The following MAP3K14 variants were observed in gnomAD, a reference collection of about 807,000 sequenced individuals.
The protein encoded by MAP3K14 is NF-kappa-beta-inducing kinase.
MAP3K14 carries 16 observed loss-of-function variants against 99.2 expected under a neutral mutation model. The ratio of observed to expected loss-of-function variants is 0.16; its 90% CI spans 0.11 to 0.24. The LOEUF is 0.24. Among genes scored for constraint, MAP3K14 ranks in the 10% least tolerant of loss-of-function variants. MAP3K14 has a pLI of 1.00. For synonymous variants in MAP3K14, 462 were observed against 492.4 expected (o/e 0.94, Z 0.82); for missense variants, 784 against 1,208.7 (o/e 0.65, Z 5.21).
At chr17:45,304,010 C>CTTTTTTTTTTTT (rs1026894731) in intron 1 of MAP3K14, among the ~76,000 whole-genome samples, 12 of 127,736 alleles carry the variant, frequency 9.4e-5, no homozygotes, top group South Asian at 2.4e-4. Flanking sequence ...CTTTTCTTTT[C>CTTTTTTTTTTTT]TTTTTTTTTT....
chr17:45,308,914 G>C (rs2044450202), intron 1 of MAP3K14, among the ~76,000 whole-genome samples: 1 of 152,104 alleles, frequency 6.6e-6, no homozygotes, highest in Admixed American at 6.5e-5. Context: ...TGGTCTGCCT[G>C]TCTTGGCCTC....
intron 1 of MAP3K14, among the ~76,000 whole-genome samples, chr17:45,304,284 G>T (rs1465674501): frequency 1.3e-5 from 2 of 152,212 alleles, no homozygotes; most frequent in Non-Finnish European, 2.9e-5. Context: ...GATTACAGGT[G>T]TGAGCCACCA....
chr17:45,293,548 C>T (rs1368693222), intron 1 of MAP3K14, among the ~76,000 whole-genome samples: 1 of 152,220 alleles, frequency 6.6e-6, no homozygotes. Flanking sequence ...AACAGCCTGG[C>T]AGGCAGACAG....
chr17:45,290,339 G>T lies in MAP3K14; in HGVS notation c.256+151C>A, dbSNP rs139865387. 81 of 1,034,466 alleles carry T rather than the reference G, an allele frequency of 7.8e-5. No individual in the cohort carries two copies. The African/African-American group carries it at 1.1e-3, about 14-fold the overall frequency. The allele number at this position is 1,034,466 out of a possible 1,614,324, so 64.1% of individuals were successfully genotyped here. Reference sequence around the variant, plus strand: ...GCACTTTTACAACCCCACTTTCCATGATTCTCGGCACAGACCTCTGGTTGT... The same window carrying T: ...GCACTTTTACAACCCCACTTTCCATTATTCTCGGCACAGACCTCTGGTTGT... On this transcript the variant is annotated intron_variant, in intron 2 of 15. Coordinates refer to ENST00000344686, the MANE Select transcript of MAP3K14 (RefSeq NM_003954.5).
chr17:45,300,311 G>C (rs2044377065), intron 1 of MAP3K14, among the ~76,000 whole-genome samples: 1 of 152,094 alleles, frequency 6.6e-6, no homozygotes, highest in South Asian at 2.1e-4. Flanking sequence ...CCCACTTCCA[G>C]CTTCTCTCTG....
Position 45,293,339 on chromosome 17 carries a change from C to T in MAP3K14, c.-20-2574G>A, listed in dbSNP as rs1414353673. On this transcript the variant is annotated intron_variant, in intron 1 of 15. Coordinates refer to ENST00000344686, the MANE Select transcript of MAP3K14 (RefSeq NM_003954.5). ...GCCCAACGGAGGCTTCTGGATAGGT[C>T]ATCCTGAGCTAGAACTCCTCCAGAG... Among the ~76,000 whole-genome samples the T allele has an allele frequency of 3.9e-5, 6 of 152,192 alleles. No individual in the cohort carries two copies. In the East Asian group the frequency reaches 5.8e-4, roughly 15 times the overall value.
rs553632905 is a variant in MAP3K14, at chr17:45,267,137, C to G, written c.2388G>C (p.Ser796=). ...GGGAGAGGCTGTCGATGCTGAGGCA[C>G]GAGAGAATTTGCTCCTGCTCCTCCA... is the stretch of plus-strand genomic sequence containing the variant. The part of the protein sequence containing the change: ...FSLEEQEQIL[S]CLSIDSLSLS... Residue 796 remains serine, a synonymous_variant, in exon 13 of 16, where the codon TCG becomes TCC. Coordinates refer to ENST00000344686, the MANE Select transcript of MAP3K14 (RefSeq NM_003954.5). This position sits in a 1 kb window ranked among gnomAD's most constrained non-coding sequence, Gnocchi z 5.1. The G allele has an allele frequency of 1.2e-6, 2 of 1,601,416 alleles. No individual in the cohort carries two copies. The highest frequency in any genetic ancestry group is 1.1e-5 in the South Asian group (1 of 88,626).
intron 1 of MAP3K14, among the ~76,000 whole-genome samples, chr17:45,313,778 G>A (rs935289579): frequency 4.6e-5 from 7 of 152,134 alleles, no homozygotes; most frequent in African/African-American, 1.7e-4. Context: ...CCCTGGTTTC[G>A]TTATGTTCAA....
intron 1 of MAP3K14, among the ~76,000 whole-genome samples, chr17:45,296,895 C>G (rs1010322943): frequency 6.6e-6 from 1 of 152,186 alleles, no homozygotes; most frequent in South Asian, 2.1e-4. Context: ...CTTCTGCATC[C>G]ACCCTATAAA....
chr17:45,273,653 G>A (rs371197055), intron 8 of MAP3K14, 46 bp from the exon 9 acceptor site: 58 of 1,479,008 alleles, frequency 3.9e-5, no homozygotes, highest in Admixed American at 3.7e-5. Context: ...GAGTCATGCC[G>A]GGTCCCAGCC....
intron 11 of MAP3K14, among the ~76,000 whole-genome samples, chr17:45,270,034 T>C (rs1301856058): frequency 1.3e-5 from 2 of 152,136 alleles, no homozygotes; most frequent in Non-Finnish European, 2.9e-5. Context: ...TCCAGGTAGA[T>C]AGTGTTGGAA....
At chr17:45,304,065 C>T (rs1473708388) in intron 1 of MAP3K14, among the ~76,000 whole-genome samples, 12 of 140,484 alleles carry the variant, frequency 8.5e-5, no homozygotes, top group African/African-American at 2.7e-4. Context: ...CAGGCTGGAG[C>T]GCAGCAGCCC....
At chr17:45,271,333 AC>A in intron 9 of MAP3K14, 112 bp from the exon 10 acceptor site, 2 of 906,918 alleles carry the variant, frequency 2.2e-6, no homozygotes, top group Non-Finnish European at 3.2e-6. Flanking sequence ...CTGTTAAAGT[AC>A]TTTTTATTTT....
In MAP3K14 at chr17:45,264,734, G is replaced by C; in HGVS notation, c.2746C>G (p.Pro916Ala). 1 of 1,612,828 alleles carries C rather than the reference G, an allele frequency of 6.2e-7. No homozygotes were observed. The highest frequency in any genetic ancestry group is 8.5e-7 in the Non-Finnish European group (1 of 1,179,490). The change falls in exon 16 of 16, where the codon CCA becomes GCA. Residue 916 changes from proline (P) to alanine (A), a missense_variant. Coordinates refer to ENST00000344686, the MANE Select transcript of MAP3K14 (RefSeq NM_003954.5). ...CACTGCAGGTCGATGCCCGAGTCTG[G>C]CACCTCCATGTCGTAGCGAACAGGC... The part of the protein sequence containing the change: ...GQPVRYDMEV[P>A]DSGIDLQCTL...
intron 6 of MAP3K14, among the ~76,000 whole-genome samples, chr17:45,279,037 G>A (rs1236253443): frequency 6.6e-6 from 1 of 152,206 alleles, no homozygotes; most frequent in Admixed American, 6.5e-5. Flanking sequence ...TGAGCCTACT[G>A]CCTGATACAG....
At position 45,267,662 on chromosome 17, in the gene MAP3K14, C is replaced by G. The variant is rs748652165; in HGVS notation, c.2070G>C (p.Pro690=). Residue 690 remains proline (P), a synonymous_variant, in exon 12 of 16, where the codon CCG becomes CCC. Transcript: ENST00000344686. This position sits in a 1 kb window ranked among gnomAD's most constrained non-coding sequence, Gnocchi z 5.1. The part of the protein sequence containing the change: ...ANYHQTLHAQ[P]RELSPRAPGP... ...CTGGGGCCCTTGGCGAAAGCTCTCT[C>G]GGCTGGGCATGGAGGGTCTGGTGGT... The G allele has an allele frequency of 6.2e-7, 1 of 1,613,822 alleles. No individual in the cohort carries two copies. The highest frequency in any genetic ancestry group is 1.7e-4 in the Middle Eastern group (1 of 6,056).
chr17:45,279,944 T>A (rs1236716782), intron 6 of MAP3K14, among the ~76,000 whole-genome samples: 1 of 152,230 alleles, frequency 6.6e-6, no homozygotes. Flanking sequence ...TCTAAACACG[T>A]GTCCAGGACT....
At chr17:45,302,777 T>C (rs556687093) in intron 1 of MAP3K14, among the ~76,000 whole-genome samples, 1 of 152,104 alleles carries the variant, frequency 6.6e-6, no homozygotes, top group Non-Finnish European at 1.5e-5. Context: ...CACAAACCCA[T>C]GTGTGGGCAG....
Position 45,267,427 on chromosome 17 carries a change from C to G in MAP3K14, c.2305G>C (p.Glu769Gln). The G allele has an allele frequency of 6.2e-7, 1 of 1,600,232 alleles. No individual in the cohort carries two copies. Among genetic ancestry groups the G allele is most frequent in the Non-Finnish European group, 8.5e-7 (1 of 1,173,430 alleles). ...GTACCTATTTCCAGCTGCTGCAGTTCCTGCTCCGGGACGGTTGCTTTCCGC... is the reference window on the plus strand; with the variant it reads ...GTACCTATTTCCAGCTGCTGCAGTTGCTGCTCCGGGACGGTTGCTTTCCGC... ...PERKATVPEQ[E>Q]LQQLEIELFL... is the part of the protein sequence containing the mutation. The change falls in exon 12 of 16, where the codon GAA becomes CAA. Residue 769 changes from glutamate (E) to glutamine (Q), a missense_variant. Glu to Gln is a conservative substitution (Grantham distance 29, BLOSUM62 2). This residue lies in a region of MAP3K14 where 128 missense variants were observed against 143.3 expected (regional missense o/e 0.89). Transcript: ENST00000344686. The surrounding 1 kb of genome is among the most constrained non-coding windows in gnomAD (Gnocchi z 5.1).
Sources: allele counts gnomAD v4.1 joint callset (sites outside exome capture counted in the v4.1 genomes callset), GRCh38; gene constraint gnomAD v4.1.1; regional missense constraint gnomAD v4.1.1; non-coding constraint Gnocchi (gnomAD v3.1); transcripts MANE v1.5; gene names NCBI Gene and HGNC (gene_info 2026-07-23, HGNC 2026-07-21).